DLG2: variants seen among roughly 807,000 people sequenced by gnomAD.
DLG2 encodes the protein discs large MAGUK scaffold protein 2.
In DLG2, 45 loss-of-function variants were observed where a neutral mutation model predicts 132.5. The observed-to-expected ratio is 0.34, with a 90% CI of 0.27 to 0.44. The LOEUF (loss-of-function observed/expected upper bound fraction) is 0.44, where lower values mean the gene tolerates loss of function less well. Among genes scored for constraint, DLG2 ranks in the 20% least tolerant of loss-of-function variants. The probability of loss-of-function intolerance (pLI) is 1.00; values close to 1 mark genes in which losing one functional copy is unlikely to be tolerated. For synonymous variants in DLG2, 424 were observed against 419.6 expected (o/e 1.01, Z -0.13); for missense variants, 1,045 against 1,196.9 (o/e 0.87, Z 1.87).
chr11:85,362,753 T>C (rs1323952759), intron 3 of DLG2, among the ~76,000 whole-genome samples: 1 of 152,196 alleles, frequency 6.6e-6, no homozygotes, highest in Non-Finnish European at 1.5e-5. Context: ...TCAGGGATGA[T>C]ATTTTTCTTT....
At chr11:84,961,753 C>G (rs1326433985) in intron 6 of DLG2, among the ~76,000 whole-genome samples, 2 of 152,130 alleles carry the variant, frequency 1.3e-5, no homozygotes, top group Non-Finnish European at 2.9e-5. Context: ...GCAACTTTCA[C>G]TTAAAGGCAG....
chr11:84,211,137 G>A (rs2096749190), intron 8 of DLG2, among the ~76,000 whole-genome samples: 1 of 152,152 alleles, frequency 6.6e-6, no homozygotes, highest in South Asian at 2.1e-4. Context: ...TCTCACTGGA[G>A]CATAAACTAC....
At chr11:83,460,011 T>G (rs1591183198) in intron 27 of DLG2, 87 bp from the exon 28 acceptor site, 1 of 674,918 alleles carries the variant, frequency 1.5e-6, no homozygotes, top group Non-Finnish European at 2.6e-6. Flanking sequence ...GAGGCTCAAA[T>G]CAGTAGCAGA....
At chr11:85,594,589 C>A (rs2079597401) in intron 3 of DLG2, among the ~76,000 whole-genome samples, 1 of 152,034 alleles carries the variant, frequency 6.6e-6, no homozygotes, top group Non-Finnish European at 1.5e-5. Context: ...TATTTCCATA[C>A]TTTATAAGTA....
rs1182107856 is a variant in DLG2, at chr11:84,937,801, T to A, written c.357+173860A>T. Among the ~76,000 whole-genome samples the A allele has an allele frequency of 5.9e-5, 9 of 152,290 alleles. No individual in the cohort carries two copies. In the South Asian group the frequency reaches 1.0e-3, roughly 18 times the overall value. On this transcript the variant is annotated intron_variant, in intron 6 of 27. Transcript: ENST00000376104. Reference sequence around the variant, plus strand: ...AGATCAACAGAAAGTGGGGTTAGAATACTAGAAAATCTATAATATTTTGAC... The same window carrying A: ...AGATCAACAGAAAGTGGGGTTAGAAAACTAGAAAATCTATAATATTTTGAC...
At chr11:83,724,494 A>T (rs570470968) in intron 18 of DLG2, among the ~76,000 whole-genome samples, 42,025 of 144,664 alleles carry the variant, frequency 0.29, 7,594 homozygotes, top group African/African-American at 0.52. Context: ...AGAGAGAGAG[A>T]GAGAGAGAGA....
At chr11:84,296,376 C>G (rs920601728) in intron 7 of DLG2, among the ~76,000 whole-genome samples, 2 of 152,160 alleles carry the variant, frequency 1.3e-5, no homozygotes, top group African/African-American at 4.8e-5. Flanking sequence ...TACCCTGTTT[C>G]TCCTTCACGT....
chr11:84,645,690 A>G (rs1374113271), intron 6 of DLG2, among the ~76,000 whole-genome samples: 1 of 152,066 alleles, frequency 6.6e-6, no homozygotes, highest in Non-Finnish European at 1.5e-5. Flanking sequence ...GATGGTCTCG[A>G]TCTCCTGACC....
intron 7 of DLG2, among the ~76,000 whole-genome samples, chr11:84,329,583 CTG>C (rs1439891882): frequency 2.0e-5 from 3 of 152,214 alleles, no homozygotes; most frequent in Non-Finnish European, 2.9e-5. Flanking sequence ...CCATACAGAA[CTG>C]TGAGTCAATT....
At chr11:84,195,353 C>A (rs563412560) in intron 8 of DLG2, among the ~76,000 whole-genome samples, 1 of 152,042 alleles carries the variant, frequency 6.6e-6, no homozygotes. Flanking sequence ...CTAGTAGAGA[C>A]GGGGTTTCAC....
At chr11:84,767,292 A>G (rs924055570) in intron 6 of DLG2, among the ~76,000 whole-genome samples, 24 of 152,110 alleles carry the variant, frequency 1.6e-4, no homozygotes, top group African/African-American at 5.8e-4. Context: ...AAATAAAATT[A>G]TCAGCTTCTA....
At chr11:83,830,986 T>C (rs1398307867) in intron 17 of DLG2, among the ~76,000 whole-genome samples, 1 of 152,220 alleles carries the variant, frequency 6.6e-6, no homozygotes, top group African/African-American at 2.4e-5. Context: ...GTTAGTATGC[T>C]TTAGGTAGAA....
intron 4 of DLG2, among the ~76,000 whole-genome samples, chr11:85,190,885 G>C (rs2080475737): frequency 6.6e-6 from 1 of 152,062 alleles, no homozygotes; most frequent in Non-Finnish European, 1.5e-5. Context: ...TGAAGAAAAG[G>C]GACAATTATA....
At chr11:85,573,506 C>T (rs1403426107) in intron 3 of DLG2, among the ~76,000 whole-genome samples, 3 of 152,068 alleles carry the variant, frequency 2.0e-5, no homozygotes, top group Admixed American at 6.6e-5. Context: ...GAGTCAGAGT[C>T]CAGTAGTGTA....
At chr11:85,104,576 G>C (rs1345030693) in intron 6 of DLG2, among the ~76,000 whole-genome samples, 2 of 151,764 alleles carry the variant, frequency 1.3e-5, no homozygotes, top group African/African-American at 4.8e-5. Context: ...TACTGCTAAT[G>C]GATGTAGAGT....
chr11:84,639,011 G>A (rs2099646630), intron 6 of DLG2, among the ~76,000 whole-genome samples: 2 of 152,188 alleles, frequency 1.3e-5, no homozygotes, highest in Admixed American at 6.5e-5. Flanking sequence ...AGAGCACTCA[G>A]TGTAATTTCA....
chr11:84,996,610 G>T (rs1417706097), intron 6 of DLG2, among the ~76,000 whole-genome samples: 1 of 152,136 alleles, frequency 6.6e-6, no homozygotes, highest in African/African-American at 2.4e-5. Flanking sequence ...TCCTATAGCA[G>T]TGACAAATAT....
intron 6 of DLG2, among the ~76,000 whole-genome samples, chr11:84,880,375 CTTAT>C (rs2087110079): frequency 6.6e-6 from 1 of 152,080 alleles, no homozygotes; most frequent in Non-Finnish European, 1.5e-5. Context: ...CACCGGGTGA[CTTAT>C]TTCAGAGCCC....
At chr11:83,688,771 A>G (rs1321818609) in intron 18 of DLG2, among the ~76,000 whole-genome samples, 1 of 152,178 alleles carries the variant, frequency 6.6e-6, no homozygotes, top group East Asian at 1.9e-4. Flanking sequence ...GCCTTCCTAC[A>G]TATAAGAGTT....
Sources: allele counts gnomAD v4.1 joint callset (sites outside exome capture counted in the v4.1 genomes callset), GRCh38; gene constraint gnomAD v4.1.1; transcripts MANE v1.5; gene names NCBI Gene and HGNC (gene_info 2026-07-23, HGNC 2026-07-21).